The following COL25A1 variants were observed in gnomAD, a reference collection of about 807,000 sequenced individuals.
COL25A1 encodes the protein collagen type XXV alpha 1 chain.
Under a neutral mutation model 128.4 loss-of-function variants are expected in COL25A1, and 103 were observed. The observed-to-expected ratio is 0.80, with a 90% CI of 0.68 to 0.94. The LOEUF is 0.94. COL25A1 is among the 40% of genes least tolerant of loss of function. The pLI, the probability that COL25A1 is intolerant of heterozygous loss-of-function variation, is 0.00. For missense variants in COL25A1, 745 were observed against 840.0 expected, an observed-to-expected ratio of 0.89 and a Z score of 1.40; for synonymous variants, 279 against 277.2, an observed-to-expected ratio of 1.01 and a Z score of -0.06.
rs1198997748 is a variant in COL25A1 at position 108,952,830 on chromosome 4, ACTT to A, written c.493-11396_493-11394del. Among the ~76,000 whole-genome samples, 14 of 104,242 alleles carry A rather than the reference ACTT, an allele frequency of 1.3e-4. No homozygotes were observed. In the Admixed American group the frequency reaches 1.4e-3, roughly 10 times the overall value. The allele number at this position is 104,242 out of a possible 152,430, so 68.4% of individuals were successfully genotyped here. On this transcript the variant is annotated intron_variant, in intron 8 of 37. Coordinates refer to ENST00000399132, the MANE Select transcript of COL25A1 (RefSeq NM_198721.4). Reference sequence around the variant, plus strand: ...TTCAGCAGCCTGTGAGAAAAACTCAACTTTTTTTTTTTTTTTTTTTTTTTTTGG... The same window carrying A: ...TTCAGCAGCCTGTGAGAAAAACTCAATTTTTTTTTTTTTTTTTTTTTTTGG...
At chr4:109,150,298 T>C (rs898214392) in intron 3 of COL25A1, among the ~76,000 whole-genome samples, 1 of 152,118 alleles carries the variant, frequency 6.6e-6, no homozygotes, top group Non-Finnish European at 1.5e-5. Flanking sequence ...GAGAATCTAT[T>C]AGGTTTCTTA....
In COL25A1 at chr4:108,810,277, C is replaced by T. The variant is rs1730689002; in HGVS notation, c.*3650G>A. The T allele has an allele frequency of 6.6e-6, 1 of 151,440 alleles. No individual in the cohort carries two copies. Among genetic ancestry groups the T allele is most frequent in the African/African-American group, 2.4e-5 (1 of 41,298 alleles). 9.4% of individuals were successfully genotyped at this position (151,440 alleles called of 1,614,324 possible). ...AAGACAATTTTTCCATTGGTACTGACATGCTGATTTGACAATTTTCTAAAC... is the reference window on the plus strand; with the variant it reads ...AAGACAATTTTTCCATTGGTACTGATATGCTGATTTGACAATTTTCTAAAC... On this transcript the variant is annotated 3_prime_UTR_variant, in exon 38 of 38. Coordinates refer to ENST00000399132, the MANE Select transcript of COL25A1 (RefSeq NM_198721.4).
intron 26 of COL25A1, among the ~76,000 whole-genome samples, chr4:108,849,016 A>C (rs1735444908): frequency 6.6e-6 from 1 of 152,162 alleles, no homozygotes; most frequent in African/African-American, 2.4e-5. Context: ...GCTAAGATCC[A>C]ATGCTTTTAG....
intron 3 of COL25A1, among the ~76,000 whole-genome samples, chr4:109,187,483 A>G (rs913293030): frequency 1.3e-5 from 2 of 152,192 alleles, no homozygotes; most frequent in Non-Finnish European, 2.9e-5. Flanking sequence ...CTCATTTGTA[A>G]GATTGCCTCA....
At chr4:108,829,335 T>C (rs72895096) in intron 32 of COL25A1, among the ~76,000 whole-genome samples, 1,820 of 152,134 alleles carry the variant, frequency 0.012, 33 homozygotes, top group African/African-American at 0.039. Context: ...AGACCCTATC[T>C]CTAAAAAAAC....
chr4:109,297,721 T>C (rs1725107731), intron 3 of COL25A1, among the ~76,000 whole-genome samples: 1 of 151,996 alleles, frequency 6.6e-6, no homozygotes, highest in Non-Finnish European at 1.5e-5. Flanking sequence ...TGTGTCTCTG[T>C]AGATCACAGC....
At chr4:108,848,270 T>C (rs1470098726) in intron 27 of COL25A1, among the ~76,000 whole-genome samples, 3 of 152,226 alleles carry the variant, frequency 2.0e-5, no homozygotes, top group African/African-American at 7.2e-5. Flanking sequence ...CCCTCAGAGA[T>C]ACACTACCAT....
chr4:108,861,941 C>T (rs1429363789), intron 22 of COL25A1, among the ~76,000 whole-genome samples: 5 of 152,092 alleles, frequency 3.3e-5, no homozygotes, highest in Non-Finnish European at 7.4e-5. Context: ...ATGAATGAAG[C>T]ATTAATAATC....
intron 19 of COL25A1, among the ~76,000 whole-genome samples, chr4:108,871,132 A>T (rs925776124): frequency 2.3e-4 from 35 of 152,268 alleles, no homozygotes; most frequent in Non-Finnish European, 4.1e-4. Flanking sequence ...CTTCCTTTTT[A>T]AAAAATAGAA....
intron 3 of COL25A1, among the ~76,000 whole-genome samples, chr4:109,138,665 T>G (rs552823229): frequency 5.3e-4 from 80 of 151,416 alleles, no homozygotes; most frequent in Admixed American, 1.4e-3. Context: ...CCTGACTTTT[T>G]TGGTTGTTGT....
intron 3 of COL25A1, among the ~76,000 whole-genome samples, chr4:109,269,784 C>T (rs961804303): frequency 6.6e-6 from 1 of 152,078 alleles, no homozygotes; most frequent in Non-Finnish European, 1.5e-5. Context: ...AATTTTAGAC[C>T]AATATCCTTG....
At chr4:109,291,434 C>G (rs1013495409) in intron 3 of COL25A1, among the ~76,000 whole-genome samples, 1 of 151,982 alleles carries the variant, frequency 6.6e-6, no homozygotes, top group Non-Finnish European at 1.5e-5. Context: ...CATTTTTATA[C>G]ACAACCAAAA....
intron 12 of COL25A1, among the ~76,000 whole-genome samples, chr4:108,920,347 C>G (rs1030543413): frequency 6.6e-6 from 1 of 152,152 alleles, no homozygotes; most frequent in Non-Finnish European, 1.5e-5. Flanking sequence ...TGTACAAGTT[C>G]AGCAGACAAC....
intron 6 of COL25A1, among the ~76,000 whole-genome samples, chr4:108,983,939 G>A (rs551763955): frequency 5.8e-4 from 88 of 152,140 alleles, no homozygotes; most frequent in Non-Finnish European, 1.2e-3. Context: ...CAAGCGGGTT[G>A]CCACTGCTGA....
intron 13 of COL25A1, among the ~76,000 whole-genome samples, chr4:108,910,012 A>G (rs965685788): frequency 3.9e-5 from 6 of 152,172 alleles, no homozygotes; most frequent in East Asian, 1.9e-4. Context: ...TTCTGAATAC[A>G]TATCTGGGGA....
chr4:108,937,490 TC>T (rs562606553), intron 11 of COL25A1, among the ~76,000 whole-genome samples: 201 of 152,260 alleles, frequency 1.3e-3, no homozygotes, highest in African/African-American at 4.6e-3. Flanking sequence ...GATTTCTATT[TC>T]TATTTAAGCT....
intron 3 of COL25A1, among the ~76,000 whole-genome samples, chr4:109,185,516 T>C (rs934393310): frequency 2.0e-5 from 3 of 152,234 alleles, no homozygotes; most frequent in African/African-American, 7.2e-5. Context: ...CCTTCCTGTC[T>C]ATTTTTTGGA....
intron 3 of COL25A1, among the ~76,000 whole-genome samples, chr4:109,193,412 A>C (rs1415574735): frequency 6.6e-6 from 1 of 152,172 alleles, no homozygotes; most frequent in Non-Finnish European, 1.5e-5. Flanking sequence ...GGTCATCTTG[A>C]TAGAGGCTGA....
rs545666659 is a variant in COL25A1, at chr4:108,889,830, G to T, written c.907-97C>A. 163 of 1,077,142 alleles carry T rather than the reference G, an allele frequency of 1.5e-4. 1 individual carries two copies. The South Asian group carries it at 1.7e-3, about 11-fold the overall frequency. The allele number at this position is 1,077,142 out of a possible 1,614,324, so 66.7% of individuals were successfully genotyped here. ...CATCACCAACACAGGTACTCAAAGG[G>T]TATCTCATGACTAATGTGCCTAACT... On this transcript the variant is annotated intron_variant, in intron 16 of 37. Coordinates refer to ENST00000399132, the MANE Select transcript of COL25A1 (RefSeq NM_198721.4).
Sources: gnomAD v4.1 joint callset for allele counts (sites outside exome capture counted in the v4.1 genomes callset) on GRCh38, gnomAD v4.1.1 for gene constraint, MANE v1.5 for transcripts, NCBI Gene and HGNC (gene_info 2026-07-23, HGNC 2026-07-21) for gene names.